The following HACE1 variants were observed in gnomAD, a reference collection of about 807,000 sequenced individuals.
HACE1 encodes E3 ubiquitin-protein ligase HACE1.
HACE1 carries 73 observed loss-of-function variants against 118.4 expected under a neutral mutation model. The observed-to-expected ratio is 0.62, with a 90% CI of 0.51 to 0.75. The LOEUF is 0.75. Among genes scored for constraint, HACE1 ranks in the 30% least tolerant of loss-of-function variants. The probability of loss-of-function intolerance (pLI) is 0.00; values close to 1 mark genes in which losing one functional copy is unlikely to be tolerated. For missense variants in HACE1, 749 were observed against 1,102.2 expected (o/e 0.68, Z 4.54); for synonymous variants, 368 against 374.8 (o/e 0.98, Z 0.21).
intron 6 of HACE1, among the ~76,000 whole-genome samples, chr6:104,822,204 A>C (rs1206540590): frequency 1.1e-3 from 3 of 2,642 alleles, no homozygotes; most frequent in South Asian, 9.3e-3. Flanking sequence ...CGTCTCTACT[A>C]AAAAAAAAAA....
chr6:104,835,508 G>A (rs976104085), intron 5 of HACE1, among the ~76,000 whole-genome samples: 2 of 151,950 alleles, frequency 1.3e-5, no homozygotes, highest in African/African-American at 2.4e-5. Context: ...AGAATTAGGA[G>A]ATAATATTGA....
intron 6 of HACE1, among the ~76,000 whole-genome samples, chr6:104,816,114 ATG>A (rs1772088962): frequency 6.6e-6 from 1 of 152,168 alleles, no homozygotes; most frequent in Admixed American, 6.5e-5. Context: ...AGTTTGGAAA[ATG>A]TGCAGCCTGA....
intron 12 of HACE1, 100 bp from the exon 13 acceptor site, chr6:104,784,585 C>A (rs199778440): frequency 1.7e-4 from 109 of 640,494 alleles, no homozygotes; most frequent in Non-Finnish European, 2.0e-4. Context: ...GCTTCTAAAC[C>A]AAAAAAAAAA....
intron 1 of HACE1, among the ~76,000 whole-genome samples, chr6:104,855,800 T>G (rs566984302): frequency 6.6e-6 from 1 of 152,340 alleles, no homozygotes; most frequent in South Asian, 2.1e-4. Context: ...AAAAACACTG[T>G]TATTTGTGGG....
intron 5 of HACE1, among the ~76,000 whole-genome samples, chr6:104,839,839 C>T (rs1401660601): frequency 6.6e-6 from 1 of 152,056 alleles, no homozygotes; most frequent in East Asian, 1.9e-4. Flanking sequence ...AACCCCATCT[C>T]TACTAAAAAT....
At chr6:104,735,371 A>G (rs1292588308) in intron 22 of HACE1, among the ~76,000 whole-genome samples, 3 of 152,082 alleles carry the variant, frequency 2.0e-5, no homozygotes, top group African/African-American at 7.2e-5. Context: ...GCTCACGCCT[A>G]CATGTAATCC....
chr6:104,776,998 T>A lies in HACE1; in HGVS notation c.1776+15A>T. ...TACATACAGTGATTTCTACATCATC[T>A]TCTTTTATACCCACCATGCCTTCTT... On this transcript the variant is annotated intron_variant, in intron 16 of 23. Transcript: ENST00000262903. The A allele has an allele frequency of 1.3e-6, 2 of 1,533,830 alleles. No individual in the cohort carries two copies. The highest frequency in any genetic ancestry group is 1.4e-5 in the African/African-American group (1 of 73,504).
intron 22 of HACE1, among the ~76,000 whole-genome samples, chr6:104,742,396 T>G (rs1403351887): frequency 6.8e-6 from 1 of 148,102 alleles, no homozygotes; most frequent in African/African-American, 2.5e-5. Flanking sequence ...GGGAGAAAAT[T>G]TTCACAACCT....
At chr6:104,844,633 G>A (rs901244231) in intron 4 of HACE1, among the ~76,000 whole-genome samples, 3 of 148,306 alleles carry the variant, frequency 2.0e-5, no homozygotes, top group African/African-American at 7.5e-5. Context: ...TTACAGGCGT[G>A]AGCCACTGCA....
chr6:104,799,510 T>G (rs908098810), intron 7 of HACE1, among the ~76,000 whole-genome samples: 1 of 152,214 alleles, frequency 6.6e-6, no homozygotes, highest in African/African-American at 2.4e-5. Context: ...TTAAATAAAC[T>G]TTAAATTTAT....
chr6:104,835,926 C>A (rs1188211380), intron 5 of HACE1, among the ~76,000 whole-genome samples: 1 of 152,098 alleles, frequency 6.6e-6, no homozygotes, highest in Non-Finnish European at 1.5e-5. Context: ...TTTCAAAATT[C>A]TAAGGAAAAA....
At chr6:104,814,927 T>C (rs1313193411) in intron 6 of HACE1, among the ~76,000 whole-genome samples, 1 of 138,724 alleles carries the variant, frequency 7.2e-6, no homozygotes, top group Non-Finnish European at 1.6e-5. Flanking sequence ...TCTGAGTCAA[T>C]TAAACATCTT....
At chr6:104,798,559 A>G (rs563076911) in intron 7 of HACE1, among the ~76,000 whole-genome samples, 18 of 152,322 alleles carry the variant, frequency 1.2e-4, no homozygotes, top group African/African-American at 4.1e-4. Context: ...TATTCTAGAA[A>G]AATCAAAAAA....
At chr6:104,730,179 C>A (rs1329818871) in intron 23 of HACE1, 124 bp downstream of exon 23, 1 of 699,992 alleles carries the variant, frequency 1.4e-6, no homozygotes, top group African/African-American at 1.8e-5. Flanking sequence ...ATCAGTGATT[C>A]CAAAATCCTG....
At chr6:104,782,655 T>C (rs1781865010) in intron 14 of HACE1, among the ~76,000 whole-genome samples, 1 of 152,100 alleles carries the variant, frequency 6.6e-6, no homozygotes. Context: ...AATAAAATCA[T>C]TCATGGAAGC....
rs1186599374 is a variant in HACE1, at chr6:104,729,123, TTAAAA to T, written c.*534_*538del. 6.5e-6 allele frequency: 1 copy of T among 152,828 alleles called. No individual in the cohort carries two copies. Among genetic ancestry groups the T allele is most frequent in the Non-Finnish European group, 1.5e-5 (1 of 68,272 alleles). The allele number at this position is 152,828 out of a possible 1,614,324, so 9.5% of individuals were successfully genotyped here. A position where few individuals can be genotyped will look rare whatever the true frequency, so the allele number is the denominator to read the frequency against. On this transcript the variant is annotated 3_prime_UTR_variant, in exon 24 of 24. Coordinates refer to ENST00000262903, the MANE Select transcript of HACE1 (RefSeq NM_020771.4). ...ATCAGTCTAAATTTTACAATATATATTAAAATATTAAAATGCTAAAAAAATCATTG... is the reference window on the plus strand; with the variant it reads ...ATCAGTCTAAATTTTACAATATATATTATTAAAATGCTAAAAAAATCATTG...
In HACE1 at chr6:104,774,232, G is replaced by A. The variant is rs1265052580; in HGVS notation, c.1865-2158C>T. On this transcript the variant is annotated intron_variant, in intron 17 of 23. Transcript: ENST00000262903. Reference sequence around the variant, plus strand: ...AGCCTCCCAAGTAGCTGGGACTACAGGCGCCCGCCACTACGCCCGGCTAAT... The same window carrying A: ...AGCCTCCCAAGTAGCTGGGACTACAAGCGCCCGCCACTACGCCCGGCTAAT... 8.8e-5 allele frequency among the ~76,000 whole-genome samples: 11 copies of A among 125,372 alleles called. 1 individual carries two copies. Among genetic ancestry groups the A allele is most frequent in the Admixed American group, 4.7e-4 (6 of 12,884 alleles). The allele number at this position is 125,372 out of a possible 152,430, so 82.2% of individuals were successfully genotyped here. A position where few individuals can be genotyped will look rare whatever the true frequency, so the allele number is the denominator to read the frequency against.
At chr6:104,743,391 T>C (rs190734671) in intron 22 of HACE1, among the ~76,000 whole-genome samples, 4 of 152,028 alleles carry the variant, frequency 2.6e-5, no homozygotes, top group Admixed American at 6.5e-5. Flanking sequence ...AGAAAAAACA[T>C]AGAAGAAAAT....
chr6:104,811,809 T>C (rs1396095817), intron 6 of HACE1, among the ~76,000 whole-genome samples: 1 of 152,180 alleles, frequency 6.6e-6, no homozygotes, highest in South Asian at 2.1e-4. Flanking sequence ...TTGCTTTAGA[T>C]ACTTGAATTT....
Sources: gnomAD v4.1 joint callset for allele counts (sites outside exome capture counted in the v4.1 genomes callset) on GRCh38, gnomAD v4.1.1 for gene constraint, MANE v1.5 for transcripts, NCBI Gene and HGNC (gene_info 2026-07-23, HGNC 2026-07-21) for gene names.